The following VWF variants were observed in gnomAD, a reference collection of about 807,000 sequenced individuals.
VWF encodes the protein Factor VIII related antigen.
VWF carries 176 observed loss-of-function variants against 308.6 expected under a neutral mutation model. The observed-to-expected ratio is 0.57, with a 90% CI of 0.50 to 0.65. The LOEUF (loss-of-function observed/expected upper bound fraction) is 0.65, where lower values mean the gene tolerates loss of function less well. Among genes scored for constraint, VWF ranks in the 30% least tolerant of loss-of-function variants. The pLI is 0.00. For synonymous variants in VWF, 1,385 were observed against 1,443.4 expected, an observed-to-expected ratio of 0.96 and a Z score of 0.92; for missense variants, 3,146 against 3,648.2, an observed-to-expected ratio of 0.86 and a Z score of 3.55.
chr12:6,023,543 G>A, intron 25 of VWF, 88 bp downstream of exon 25: 1 of 1,554,314 alleles, frequency 6.4e-7, no homozygotes, highest in South Asian at 1.2e-5. Context: ...CGCCCATGAA[G>A]ATATCCCCCT....
intron 18 of VWF, among the ~76,000 whole-genome samples, chr12:6,039,635 T>G (rs1026753086): frequency 6.6e-6 from 1 of 152,210 alleles, no homozygotes; most frequent in Admixed American, 6.5e-5. Flanking sequence ...CTTATTATAT[T>G]TCAGTAAGCC....
At chr12:6,068,832 T>TGTG (rs1565851315) in intron 10 of VWF, among the ~76,000 whole-genome samples, 300 of 101,024 alleles carry the variant, frequency 3.0e-3, no homozygotes, top group African/African-American at 0.015. Flanking sequence ...TTTTTTTTTT[T>TGTG]TGCGTGTGTG....
intron 5 of VWF, among the ~76,000 whole-genome samples, chr12:6,098,358 G>T (rs1260350169): frequency 1.3e-5 from 2 of 152,216 alleles, no homozygotes; most frequent in African/African-American, 4.8e-5. Flanking sequence ...GAATATGAAA[G>T]ATATTTTAGG....
chr12:6,052,950 T>A (rs1438379081), intron 15 of VWF, among the ~76,000 whole-genome samples, 167 bp from the exon 16 acceptor site: 1 of 152,220 alleles, frequency 6.6e-6, no homozygotes, highest in African/African-American at 2.4e-5. Context: ...TGCAGAAAGA[T>A]CCCATGTACC....
Position 6,110,453 on chromosome 12 carries a change from T to C in VWF, c.453A>G (p.Ser151=). ...CGCAGGTCTTGTTGAAGTATCTGTCTGACAGCAGGACTTGAAAGTTGCCGC... is the reference window on the plus strand; with the variant it reads ...CGCAGGTCTTGTTGAAGTATCTGTCCGACAGCAGGACTTGAAAGTTGCCGC... ...DGSGNFQVLL[S]DRYFNKTCGL... is the part of the protein sequence containing the mutation. The change falls in exon 5 of 52, where the codon TCA becomes TCG. Residue 151 remains serine (S), a synonymous_variant. Coordinates refer to ENST00000261405, the MANE Select transcript of VWF (RefSeq NM_000552.5). 1.2e-6 allele frequency: 2 copies of C among 1,614,222 alleles called. No homozygotes were observed. Among genetic ancestry groups the C allele is most frequent in the Non-Finnish European group, 1.7e-6 (2 of 1,180,042 alleles).
intron 6 of VWF, among the ~76,000 whole-genome samples, chr12:6,092,673 GC>G (rs1945062480): frequency 4.0e-5 from 5 of 123,742 alleles, no homozygotes; most frequent in African/African-American, 7.7e-5. Context: ...GTGTGTGTGT[GC>G]TGACCAGCAT....
intron 47 of VWF, among the ~76,000 whole-genome samples, chr12:5,955,431 T>C (rs1158026877): frequency 3.3e-5 from 5 of 150,132 alleles, no homozygotes; most frequent in Admixed American, 6.6e-5. Context: ...TGTGTTCTCA[T>C]TGTTCAATTC....
intron 19 of VWF, 133 bp from the exon 20 acceptor site, chr12:6,034,959 G>T: frequency 8.5e-7 from 1 of 1,170,600 alleles, no homozygotes; most frequent in East Asian, 2.6e-5. Flanking sequence ...CAAGGAAGTT[G>T]AGGACCTGTA....
At chr12:6,049,585 A>G (rs1009930237) in intron 16 of VWF, among the ~76,000 whole-genome samples, 1 of 152,206 alleles carries the variant, frequency 6.6e-6, no homozygotes, top group Admixed American at 6.5e-5. Context: ...TCTCACTGTA[A>G]TAAGGAGAGT....
In VWF at chr12:6,037,915, G is replaced by C. The variant is rs530769338; in HGVS notation, c.2443-1424C>G. ...GAGCATGTGTGTGTTGGGGCGGTTG[G>C]GGGGAGGGAAATAGGAAGAATCCTC... On this transcript the variant is annotated intron_variant, in intron 18 of 51. Transcript: ENST00000261405. Among the ~76,000 whole-genome samples the C allele has an allele frequency of 9.5e-4, 144 of 152,310 alleles. 2 individuals are homozygous for C. The highest frequency in any genetic ancestry group is 3.4e-3 in the African/African-American group (140 of 41,562).
In VWF at chr12:5,963,973, C is replaced by T. The variant is rs561831945; in HGVS notation, c.7887+3513G>A. 8.5e-5 allele frequency among the ~76,000 whole-genome samples: 13 copies of T among 152,172 alleles called. No individual in the cohort carries two copies. The East Asian group carries it at 1.5e-3, about 18-fold the overall frequency. Reference sequence around the variant, plus strand: ...CTGTAATCCCAGCACTTTGGGAGGCCAAGGTGGGCAGATCACGAGGTCAGG... The same window carrying T: ...CTGTAATCCCAGCACTTTGGGAGGCTAAGGTGGGCAGATCACGAGGTCAGG... On this transcript the variant is annotated intron_variant, in intron 47 of 51. Coordinates refer to ENST00000261405, the MANE Select transcript of VWF (RefSeq NM_000552.5).
At chr12:6,011,501 G>C in intron 34 of VWF, 116 bp downstream of exon 34, 1 of 832,702 alleles carries the variant, frequency 1.2e-6, no homozygotes, top group Admixed American at 2.1e-5. Flanking sequence ...TGTGCATGTG[G>C]TGATGAGGGA....
intron 47 of VWF, among the ~76,000 whole-genome samples, chr12:5,964,898 G>C (rs950001286): frequency 2.6e-5 from 4 of 152,212 alleles, no homozygotes; most frequent in African/African-American, 7.2e-5. Context: ...AGTGTTAAGG[G>C]TGTGGCAGGG....
Position 6,029,359 on chromosome 12 carries a change from G to A in VWF, c.2950C>T (p.Leu984=). 6.2e-7 allele frequency: 1 copy of A among 1,614,122 alleles called. No homozygotes were observed. The highest frequency in any genetic ancestry group is 1.3e-5 in the African/African-American group (1 of 75,040). The change falls in exon 22 of 52, where the codon CTG becomes TTG. Residue 984 remains leucine, a synonymous_variant. Transcript: ENST00000261405. ...CCACTGACCTGGTATGTCTGCTTCAGGACCACGGAGATGCTCAGGTGGCGG... is the reference window on the plus strand; with the variant it reads ...CCACTGACCTGGTATGTCTGCTTCAAGACCACGGAGATGCTCAGGTGGCGG... ...WDRHLSISVV[L]KQTYQEKVCG... is the part of the protein sequence containing the mutation.
chr12:6,109,842 T>C (rs1040616932), intron 5 of VWF, among the ~76,000 whole-genome samples: 3 of 152,136 alleles, frequency 2.0e-5, no homozygotes, highest in Non-Finnish European at 4.4e-5. Context: ...AGTAGAGACA[T>C]GGTTTCACCA....
intron 35 of VWF, among the ~76,000 whole-genome samples, chr12:5,995,363 C>T (rs1943797491): frequency 6.6e-6 from 1 of 150,412 alleles, no homozygotes; most frequent in South Asian, 2.1e-4. Flanking sequence ...CTATGAGTTA[C>T]TCACTTGATA....
At chr12:5,952,354 T>C (rs770857995) in intron 49 of VWF, 37 bp downstream of exon 49, 25 of 1,612,870 alleles carry the variant, frequency 1.6e-5, no homozygotes, top group African/African-American at 2.7e-5. Context: ...TTCTTAGAGA[T>C]TGAGACAGTA....
chr12:5,998,465 CAAAAAAAAAAAAAA>C lies in VWF; in HGVS notation c.5843-2257_5843-2244del, dbSNP rs1179417103. On this transcript the variant is annotated intron_variant, in intron 34 of 51. Transcript: ENST00000261405. ...GTGAGCCGAGATTCCGAGACTCCGT[CAAAAAAAAAAAAAA>C]AAAAAAAAAAAAAAAAAAAATATAT... Among the ~76,000 whole-genome samples, 25 of 54,572 alleles carry C rather than the reference CAAAAAAAAAAAAAA, an allele frequency of 4.6e-4. 2 individuals are homozygous for C. The highest frequency in any genetic ancestry group is 1.6e-3 in the African/African-American group (20 of 12,482). The allele number at this position is 54,572 out of a possible 152,430, so 35.8% of individuals were successfully genotyped here. A position where few individuals can be genotyped will look rare whatever the true frequency, so the allele number is the denominator to read the frequency against.
At chr12:6,026,159 A>T (rs541342270) in intron 22 of VWF, 113 bp from the exon 23 acceptor site, 21 of 1,486,128 alleles carry the variant, frequency 1.4e-5, no homozygotes, top group Non-Finnish European at 1.9e-5. Flanking sequence ...TTCGAGGAAG[A>T]GGAGGAGGAG....
Sources: allele counts gnomAD v4.1 joint callset (sites outside exome capture counted in the v4.1 genomes callset), GRCh38; gene constraint gnomAD v4.1.1; transcripts MANE v1.5; gene names NCBI Gene and HGNC (gene_info 2026-07-23, HGNC 2026-07-21).